The following GPR142 variants were observed in gnomAD, a reference collection of about 807,000 sequenced individuals.
GPR142 encodes G-protein coupled receptor 142 long form.
GPR142 carries 9 observed loss-of-function variants against 10.6 expected under a neutral mutation model. That is an observed-to-expected ratio of 0.85 (90% CI 0.51 to 1.48). GPR142 has a LOEUF of 1.48. Among genes scored for constraint, GPR142 ranks in the 40% most tolerant of loss-of-function variants. The pLI, the probability that GPR142 is intolerant of heterozygous loss-of-function variation, is 0.00. For synonymous variants in GPR142, 202 were observed against 221.2 expected (o/e 0.91, Z 0.77); for missense variants, 482 against 506.0 (o/e 0.95, Z 0.45).
chr17:74,369,609 C>CA lies in GPR142; in HGVS notation c.70dup (p.Met24AsnfsTer4). ...TGACCCAGGACTCAGGGCCCCAGAG[C>CA]ATGGGGCTTGAGGGACGAGAGACAG... On this transcript the variant is annotated frameshift_variant, in exon 2 of 4. Transcript: ENST00000582579. LOFTEE classifies it high-confidence loss of function. 1.9e-6 allele frequency: 3 copies of CA among 1,550,244 alleles called. No homozygotes were observed. The highest frequency in any genetic ancestry group is 2.6e-6 in the Non-Finnish European group (3 of 1,146,534).
At chr17:74,368,862 G>C (rs759086843) in intron 1 of GPR142, among the ~76,000 whole-genome samples, 2 of 152,116 alleles carry the variant, frequency 1.3e-5, no homozygotes, top group African/African-American at 2.4e-5. Context: ...AGCCTCGTCC[G>C]GCTGCTCCCA....
chr17:74,367,693 G>A lies in GPR142; in HGVS notation c.-175G>A. 6.2e-7 allele frequency: 1 copy of A among 1,612,770 alleles called. No homozygotes were observed. The highest frequency in any genetic ancestry group is 1.4e-5 in the African/African-American group (1 of 74,024). On this transcript the variant is annotated 5_prime_UTR_variant, in exon 1 of 4. Coordinates refer to ENST00000582579, the MANE Select transcript of GPR142 (RefSeq NM_001331076.1). ...TGGCTGAGGTCTCCACAGGTCACAG[G>A]GGGAAGCTGGGACCTCCGAATAAGG...
chr17:74,371,525 G>A (rs1479180053), intron 3 of GPR142, among the ~76,000 whole-genome samples: 1 of 152,216 alleles, frequency 6.6e-6, no homozygotes. Flanking sequence ...ACAGCCAGTG[G>A]CCTGCAGTGG....
In GPR142 at chr17:74,370,744, G is replaced by T. The variant is rs532906378; in HGVS notation, c.253+65G>T. Reference sequence around the variant, plus strand: ...AGAAATGGGGATCCTCCTTCAATGGGTGCCAGTCCTCTGTGTTTGACCCCT... The same window carrying T: ...AGAAATGGGGATCCTCCTTCAATGGTTGCCAGTCCTCTGTGTTTGACCCCT... On this transcript the variant is annotated intron_variant, in intron 3 of 3. Transcript: ENST00000582579. The T allele has an allele frequency of 8.1e-6, 12 of 1,483,646 alleles. No individual in the cohort carries two copies. The East Asian group carries it at 2.8e-4, about 34-fold the overall frequency. 91.9% of individuals were successfully genotyped at this position (1,483,646 alleles called of 1,614,324 possible).
intron 1 of GPR142, 136 bp downstream of exon 1, chr17:74,367,930 C>G: frequency 1.2e-6 from 1 of 805,252 alleles, no homozygotes; most frequent in Non-Finnish European, 1.9e-6. Flanking sequence ...TTGGTTGAAA[C>G]CCTTGTGTTC....
intron 2 of GPR142, among the ~76,000 whole-genome samples, chr17:74,369,937 C>A (rs1471028159): frequency 2.0e-5 from 3 of 152,130 alleles, no homozygotes; most frequent in Admixed American, 2.0e-4. Context: ...GTGGTGCTCA[C>A]CTTTGAAGAG....
chr17:74,369,571 A>G lies in GPR142; in HGVS notation c.31A>G (p.Lys11Glu). ...GACAGGGAGCTGCGGGGACCCTCAG[A>G]AAAAGCCACAGGTGACCCAGGACTC... MLTGSCGDPQ[K>E]KPQVTQDSGP... Residue 11 changes from lysine (K) to glutamate (E), a missense_variant, in exon 2 of 4, where the codon AAA becomes GAA. Physicochemically the swap from Lys to Glu is moderately conservative, Grantham distance 56. Transcript: ENST00000582579. The G allele has an allele frequency of 1.3e-6, 2 of 1,552,536 alleles. No homozygotes were observed. Among genetic ancestry groups the G allele is most frequent in the South Asian group, 1.2e-5 (1 of 84,078 alleles).
rs754921547 is a variant in GPR142 at position 74,372,303 on chromosome 17, A to G, written c.828A>G (p.Thr276=). 6.2e-7 allele frequency: 1 copy of G among 1,613,808 alleles called. No individual in the cohort carries two copies. The highest frequency in any genetic ancestry group is 8.5e-7 in the Non-Finnish European group (1 of 1,179,802). ...KSTAILLGIT[T]LFTLLWAPRV... ...CAGCCATCCTCCTGGGCATCACCAC[A>G]CTGTTCACCCTCCTGTGGGCGCCCC... is the stretch of plus-strand genomic sequence containing the variant. Residue 276 remains threonine, a synonymous_variant, in exon 4 of 4, where the codon ACA becomes ACG. Coordinates refer to ENST00000582579, the MANE Select transcript of GPR142 (RefSeq NM_001331076.1).
intron 1 of GPR142, 128 bp downstream of exon 1, chr17:74,367,922 G>C: frequency 1.1e-6 from 1 of 878,456 alleles, no homozygotes; most frequent in South Asian, 1.8e-5. Flanking sequence ...TGACAGCCTT[G>C]GTTGAAACCC....
At chr17:74,370,312 G>A (rs2055013581) in intron 2 of GPR142, among the ~76,000 whole-genome samples, 1 of 152,138 alleles carries the variant, frequency 6.6e-6, no homozygotes, top group South Asian at 2.1e-4. Flanking sequence ...GGGGAGCCGG[G>A]CCACTGAGGG....
intron 3 of GPR142, among the ~76,000 whole-genome samples, chr17:74,371,348 G>A (rs1354458194): frequency 1.3e-5 from 2 of 152,044 alleles, no homozygotes; most frequent in South Asian, 2.1e-4. Context: ...TAACAGAGAC[G>A]GGGTTTCTCC....
chr17:74,370,371 C>T (rs2144339489), intron 2 of GPR142, 150 bp from the exon 3 acceptor site: 1 of 709,850 alleles, frequency 1.4e-6, no homozygotes, highest in Non-Finnish European at 2.1e-6. Context: ...CAAGAATTCT[C>T]ACAGCAACAG....
rs531042242 is a variant in GPR142, at chr17:74,369,764, C to T, written c.94+130C>T. On this transcript the variant is annotated intron_variant, in intron 2 of 3. Coordinates refer to ENST00000582579, the MANE Select transcript of GPR142 (RefSeq NM_001331076.1). ...GAGAGTGAGTGAGCAGTGAGCCCCC[C>T]GGCCTCAGCAGGAAACGAAAAGCTG... 4.0e-4 allele frequency: 378 copies of T among 944,542 alleles called. 1 individual carries two copies. Among genetic ancestry groups the T allele is most frequent in the Admixed American group, 6.0e-4 (19 of 31,714 alleles). 58.5% of individuals were successfully genotyped at this position (944,542 alleles called of 1,614,324 possible).
rs140706912 is a variant in GPR142, at chr17:74,367,535, A to C, written c.-333A>C. The C allele has an allele frequency of 3.7e-6, 6 of 1,614,050 alleles. No homozygotes were observed. The African/African-American group carries it at 8.0e-5, about 22-fold the overall frequency. Reference sequence around the variant, plus strand: ...GTATTATGATGTTGCCCATGGAGCAAAAGATCCAGTGGGTCCCCACTTCCC... The same window carrying C: ...GTATTATGATGTTGCCCATGGAGCACAAGATCCAGTGGGTCCCCACTTCCC... On this transcript the variant is annotated 5_prime_UTR_variant, in exon 1 of 4. Transcript: ENST00000582579.
intron 1 of GPR142, 143 bp from the exon 2 acceptor site, chr17:74,369,325 G>A: frequency 1.5e-6 from 1 of 684,882 alleles, no homozygotes; most frequent in Non-Finnish European, 2.4e-6. Context: ...TGAAGCCCCT[G>A]CCCAGCCCGA....
Position 74,369,446 on chromosome 17 carries a change from G to A in GPR142, c.-73-22G>A, listed in dbSNP as rs533689304. ...CCAGTTCCTTCCTCCTCCTTCCCCC[G>A]CCCCGCCCCCTGCACTAACAGGCTC... On this transcript the variant is annotated intron_variant, in intron 1 of 3. Transcript: ENST00000582579. The A allele has an allele frequency of 2.0e-5, 30 of 1,497,030 alleles. No homozygotes were observed. In the Admixed American group the frequency reaches 2.0e-4, roughly 10 times the overall value. 92.7% of individuals were successfully genotyped at this position (1,497,030 alleles called of 1,614,324 possible).
rs773598759 is a variant in GPR142, at chr17:74,372,118, A to AC, written c.645dup (p.Asp216ArgfsTer?). On this transcript the variant is annotated frameshift_variant, in exon 4 of 4. Transcript: ENST00000582579. LOFTEE classifies it low-confidence loss of function (END_TRUNC). ...CTGGTGGCTGGACATGTGGAGAGAC[A>AC]CCGACTCACCCAGAACACTGGACGA... The AC allele has an allele frequency of 3.1e-6, 5 of 1,614,140 alleles. No individual in the cohort carries two copies. In the South Asian group the frequency reaches 5.5e-5, roughly 18 times the overall value.
In GPR142 at chr17:74,372,596, T is replaced by C. The variant is rs766510625; in HGVS notation, c.1121T>C (p.Val374Ala). The change falls in exon 4 of 4, where the codon GTG (valine) becomes GCG (alanine). Residue 374 changes from valine to alanine, a missense_variant. Physicochemically the swap from Val to Ala is moderately conservative, Grantham distance 64 (BLOSUM62 0). Coordinates refer to ENST00000582579, the MANE Select transcript of GPR142 (RefSeq NM_001331076.1). The stretch of plus-strand genomic sequence containing the variant: ...CCGGGACTCCCCACAGGGGCAGAAG[T>C]GTAGAGGAGGGGGCCCAGCTAGGGA... ...EPPGLPTGAE[V>A] 4.0e-5 allele frequency: 64 copies of C among 1,600,430 alleles called. No homozygotes were observed. Among genetic ancestry groups the C allele is most frequent in the Non-Finnish European group, 5.4e-5 (64 of 1,177,332 alleles).
At position 74,371,866 on chromosome 17, in the gene GPR142, G is replaced by A. The variant is rs1388676009; in HGVS notation, c.391G>A (p.Gly131Arg). Residue 131 changes from glycine (G) to arginine (R), a missense_variant, in exon 4 of 4, where the codon GGA (glycine) becomes AGA (arginine). Transcript: ENST00000582579. ...CGTGTTCGCGGGCTTCCTCCTGCAG[G>A]GAGCAGTGCTGGCCCGCCAGGTGCC... ...VIVFAGFLLQ[G>R]AVLARQVPQA... 1 of 1,613,532 alleles carries A rather than the reference G, an allele frequency of 6.2e-7. No individual in the cohort carries two copies. The highest frequency in any genetic ancestry group is 8.5e-7 in the Non-Finnish European group (1 of 1,180,012).
Sources: allele counts gnomAD v4.1 joint callset (sites outside exome capture counted in the v4.1 genomes callset), GRCh38; gene constraint gnomAD v4.1.1; transcripts MANE v1.5; gene names NCBI Gene and HGNC (gene_info 2026-07-23, HGNC 2026-07-21).